Variants in SRFBP1 observed in about 807,000 individuals in gnomAD.
SRFBP1 encodes the protein serum response factor-binding protein 1.
A neutral mutation model predicts 45.5 loss-of-function variants in SRFBP1; 47 were observed. The ratio of observed to expected loss-of-function variants is 1.03; its 90% CI spans 0.82 to 1.32. The LOEUF (loss-of-function observed/expected upper bound fraction) is 1.32, where lower values mean the gene tolerates loss of function less well. Among genes scored for constraint, SRFBP1 ranks in the 40% most tolerant of loss-of-function variants. The pLI is 0.00. For synonymous variants in SRFBP1, 203 were observed against 166.3 expected, an observed-to-expected ratio of 1.22 and a Z score of -1.70; for missense variants, 621 against 484.6, an observed-to-expected ratio of 1.28 and a Z score of -2.64.
intron 2 of SRFBP1, among the ~76,000 whole-genome samples, chr5:122,050,480 G>T (rs2152577305): frequency 6.6e-6 from 1 of 152,258 alleles, no homozygotes; most frequent in East Asian, 1.9e-4. Flanking sequence ...GAGGTTGTAT[G>T]TGTCCAGGAA....
At chr5:121,968,571 T>C (rs1375336483) in intron 1 of SRFBP1, among the ~76,000 whole-genome samples, 2 of 152,158 alleles carry the variant, frequency 1.3e-5, no homozygotes, top group Non-Finnish European at 2.9e-5. Flanking sequence ...ATATGCTTTA[T>C]TTATATACGT....
chr5:122,039,126 G>C (rs1753735155), intron 2 of SRFBP1, among the ~76,000 whole-genome samples: 1 of 152,188 alleles, frequency 6.6e-6, no homozygotes, highest in Non-Finnish European at 1.5e-5. Flanking sequence ...AACTATAACA[G>C]AACGGTGTGT....
At chr5:121,970,923 C>T (rs955948209) in intron 1 of SRFBP1, among the ~76,000 whole-genome samples, 6 of 152,014 alleles carry the variant, frequency 3.9e-5, no homozygotes, top group African/African-American at 1.4e-4. Context: ...ATTAAAGGTA[C>T]TTGTGACCCT....
In SRFBP1 at chr5:122,058,645, C is replaced by T. The variant is rs1037050219; in HGVS notation, n.312-16670C>T. On this transcript the variant is annotated intron_variant and non_coding_transcript_variant, in intron 2 of 2. Transcript: ENST00000504881. ...ACCTATCGTTATATATCTGGGCTTT[C>T]TCACAAAAGCTAACACACTTCCCCT... is the stretch of plus-strand genomic sequence containing the variant. 2.6e-5 allele frequency among the ~76,000 whole-genome samples: 4 copies of T among 152,048 alleles called. No homozygotes were observed. In the East Asian group the frequency reaches 5.8e-4, roughly 22 times the overall value.
At position 122,034,060 on chromosome 5, in the gene SRFBP1, G is replaced by T. The variant is rs1046467659; in HGVS notation, n.311+11653G>T. 2.0e-5 allele frequency among the ~76,000 whole-genome samples: 3 copies of T among 152,010 alleles called. No individual in the cohort carries two copies. In the East Asian group the frequency reaches 5.8e-4, roughly 30 times the overall value. ...GCTGGTCTCGAACTCCTGACCTCAGGTGATCCACCCGCCTCAGCCTCCCAT... is the reference window on the plus strand; with the variant it reads ...GCTGGTCTCGAACTCCTGACCTCAGTTGATCCACCCGCCTCAGCCTCCCAT... On this transcript the variant is annotated intron_variant and non_coding_transcript_variant, in intron 2 of 2. Transcript: ENST00000504881.
downstream of SRFBP1, chr5:122,076,908 T>C: frequency 6.2e-7 from 1 of 1,614,048 alleles, no homozygotes; most frequent in Non-Finnish European, 8.5e-7. Context: ...CAGACAGTTT[T>C]CCTCCGCCGC....
In SRFBP1 at chr5:122,042,359, A is replaced by T. The variant is rs1012211630; in HGVS notation, n.311+19952A>T. On this transcript the variant is annotated intron_variant and non_coding_transcript_variant, in intron 2 of 2. Transcript: ENST00000504881. ...ATGGCTCACTGCAGCCTTGAGCTCC[A>T]GGGTTCAAGCGATCCTCCTACCTCA... Among the ~76,000 whole-genome samples the T allele has an allele frequency of 2.6e-5, 4 of 152,054 alleles. 1 individual carries two copies. Among genetic ancestry groups the T allele is most frequent in the Admixed American group, 2.6e-4 (4 of 15,262 alleles).
At chr5:122,070,529 T>G in intron 2 of SRFBP1, 1 of 1,608,574 alleles carries the variant, frequency 6.2e-7, no homozygotes, top group Non-Finnish European at 8.5e-7. Context: ...ACATCTGTAA[T>G]ATCAATCCAC....
intron 3 of SRFBP1, among the ~76,000 whole-genome samples, chr5:121,976,128 C>CAGAG (rs560439079): frequency 1.3e-5 from 2 of 151,132 alleles, no homozygotes; most frequent in Non-Finnish European, 2.9e-5. Context: ...AGAAATAAAA[C>CAGAG]TCTCTAACTA....
rs368886253 is a variant in SRFBP1 at position 121,962,120 on chromosome 5, T to A, written c.36+52T>A. On this transcript the variant is annotated intron_variant, in intron 1 of 7. Transcript: ENST00000339397. ...GACTTTAAGGGTCCTCAAAACCAGC[T>A]CTTTTGAGACGCGTGGTCGGAGGCG... 248 of 1,607,494 alleles carry A rather than the reference T, an allele frequency of 1.5e-4. No homozygotes were observed. The African/African-American group carries it at 2.9e-3, about 19-fold the overall frequency.
chr5:121,982,646 G>A (rs1166950811), intron 3 of SRFBP1, among the ~76,000 whole-genome samples: 3 of 151,784 alleles, frequency 2.0e-5, no homozygotes, highest in African/African-American at 7.2e-5. Flanking sequence ...GTTGGCAAAA[G>A]AGATGAAAAT....
downstream of SRFBP1, chr5:122,078,174 G>T: frequency 2.0e-6 from 1 of 488,898 alleles, no homozygotes. Flanking sequence ...GCGGCTGCTC[G>T]GACGTGGCAC....
intron 1 of SRFBP1, among the ~76,000 whole-genome samples, chr5:121,969,092 A>T (rs976156521): frequency 6.6e-6 from 1 of 152,166 alleles, no homozygotes; most frequent in South Asian, 2.1e-4. Flanking sequence ...TCTGCTTTGC[A>T]TATCAGAAAC....
chr5:122,074,867 A>G (rs772428310), intron 2 of SRFBP1, among the ~76,000 whole-genome samples: 2 of 152,244 alleles, frequency 1.3e-5, no homozygotes, highest in Non-Finnish European at 2.9e-5. Flanking sequence ...ATAAACACCC[A>G]GGCAAGTTAC....
chr5:121,968,664 G>T (rs1580496469), intron 1 of SRFBP1, among the ~76,000 whole-genome samples: 1 of 152,212 alleles, frequency 6.6e-6, no homozygotes, highest in East Asian at 1.9e-4. Context: ...TTGAGAATGT[G>T]TCTTCTGAAT....
chr5:122,051,989 T>C (rs1753995462), intron 2 of SRFBP1, among the ~76,000 whole-genome samples: 1 of 152,226 alleles, frequency 6.6e-6, no homozygotes, highest in South Asian at 2.1e-4. Context: ...AAGGATCTTA[T>C]TTCTCCTCCA....
chr5:122,022,306 GTTTT>G, intron 6 of SRFBP1, 60 bp from the exon 7 acceptor site: 1 of 1,415,546 alleles, frequency 7.1e-7, no homozygotes, highest in Non-Finnish European at 9.8e-7. Flanking sequence ...ATTTTGTTAT[GTTTT>G]TTTCTTAAGA....
chr5:122,032,479 T>A (rs983966150), downstream of SRFBP1, among the ~76,000 whole-genome samples: 4 of 152,124 alleles, frequency 2.6e-5, no homozygotes, highest in Admixed American at 1.3e-4. Context: ...CAAATATATG[T>A]CTATTTTTCT....
chr5:122,077,611 G>A (rs1424480772), downstream of SRFBP1: 12 of 1,612,240 alleles, frequency 7.4e-6, no homozygotes, highest in Non-Finnish European at 9.3e-6. The surrounding 1 kb of genome is among the most constrained non-coding windows in gnomAD (Gnocchi z 4.9). Context: ...AGCCAGCTTG[G>A]AACCAGTGAC....
Sources: allele counts gnomAD v4.1 joint callset (sites outside exome capture counted in the v4.1 genomes callset), GRCh38; gene constraint gnomAD v4.1.1; non-coding constraint Gnocchi (gnomAD v3.1); transcripts MANE v1.5; gene names NCBI Gene and HGNC (gene_info 2026-07-23, HGNC 2026-07-21).